Variants in IFT56 observed in about 807,000 individuals in gnomAD.
IFT56 encodes intraflagellar transport protein 56.
the IFT56 span, chr7:139,148,153 A>C: frequency 2.0e-6 from 3 of 1,510,074 alleles, no homozygotes; most frequent in Non-Finnish European, 2.7e-6. Context: ...TTGTAATTTG[A>C]CATTTCCGTG....
At chr7:139,180,916 A>G in the IFT56 span, among the ~76,000 whole-genome samples, 1 of 152,224 alleles carries the variant, frequency 6.6e-6, no homozygotes, top group African/African-American at 2.4e-5. Context: ...TATTTTAAGT[A>G]TGGTAGAATT....
chr7:139,156,496 T>C, the IFT56 span, among the ~76,000 whole-genome samples: 1 of 152,098 alleles, frequency 6.6e-6, no homozygotes, highest in Non-Finnish European at 1.5e-5. Context: ...TTTAACTGCA[T>C]CCCGTAAGTT....
the IFT56 span, among the ~76,000 whole-genome samples, chr7:139,163,676 A>G: frequency 6.6e-6 from 1 of 152,138 alleles, no homozygotes; most frequent in Admixed American, 6.5e-5. Flanking sequence ...CAAGAGAACA[A>G]AAACCCCTTG....
chr7:139,140,549 G>A, the IFT56 span, among the ~76,000 whole-genome samples: 1 of 152,070 alleles, frequency 6.6e-6, no homozygotes, highest in Admixed American at 6.6e-5. Flanking sequence ...GGAGGCCAAG[G>A]TGGGCAGATC....
At chr7:139,138,869 G>T in the IFT56 span, among the ~76,000 whole-genome samples, 1 of 148,738 alleles carries the variant, frequency 6.7e-6, no homozygotes. Context: ...GGAATGCAGT[G>T]GCACGATCTC....
the IFT56 span, among the ~76,000 whole-genome samples, chr7:139,152,873 GCA>G: frequency 6.6e-6 from 1 of 152,314 alleles, no homozygotes. Context: ...TGTTGGCCAG[GCA>G]CAGTGTCTCA....
the IFT56 span, chr7:139,140,098 A>G: frequency 2.8e-6 from 2 of 714,210 alleles, no homozygotes; most frequent in Admixed American, 4.3e-5. Flanking sequence ...TCTCTTGAGA[A>G]AAAAAAAATT....
At chr7:139,154,012 C>G in the IFT56 span, among the ~76,000 whole-genome samples, 1 of 152,130 alleles carries the variant, frequency 6.6e-6, no homozygotes, top group Non-Finnish European at 1.5e-5. Flanking sequence ...TATCATCTGA[C>G]TTTTTGACTC....
At chr7:139,157,242 G>A in the IFT56 span, among the ~76,000 whole-genome samples, 2 of 148,808 alleles carry the variant, frequency 1.3e-5, no homozygotes, top group Non-Finnish European at 3.0e-5. Flanking sequence ...CACCTCTTGG[G>A]TTCCAGCGAT....
chr7:139,139,758 A>T, the IFT56 span: 1 of 576,638 alleles, frequency 1.7e-6, no homozygotes, highest in Non-Finnish European at 3.1e-6. Flanking sequence ...GAATAGAGTA[A>T]TTGCAGAGCA....
chr7:139,185,477 C>A, the IFT56 span, among the ~76,000 whole-genome samples: 1 of 151,944 alleles, frequency 6.6e-6, no homozygotes, highest in Non-Finnish European at 1.5e-5. Flanking sequence ...TCAACTAGAG[C>A]TATATACAGC....
the IFT56 span, chr7:139,148,516 C>T: frequency 1.4e-6 from 1 of 736,728 alleles, no homozygotes; most frequent in Non-Finnish European, 2.2e-6. Context: ...TCTATAAGAA[C>T]CTAATTATAT....
the IFT56 span, among the ~76,000 whole-genome samples, chr7:139,180,746 G>C: frequency 6.6e-6 from 1 of 152,092 alleles, no homozygotes; most frequent in Non-Finnish European, 1.5e-5. Flanking sequence ...AATTTTTGTA[G>C]TCAGAGGAAA....
chr7:139,154,710 C>T, the IFT56 span, among the ~76,000 whole-genome samples: 1 of 152,128 alleles, frequency 6.6e-6, no homozygotes, highest in African/African-American at 2.4e-5. Flanking sequence ...TGTATCCTTA[C>T]ATTAATACCA....
chr7:139,191,674 A>G, the IFT56 span: 1 of 152,214 alleles, frequency 6.6e-6, no homozygotes, highest in Admixed American at 6.5e-5. Flanking sequence ...CATACATACT[A>G]TTTTAAAGAA....
chr7:139,158,313 CA>C, the IFT56 span, among the ~76,000 whole-genome samples: 31 of 115,308 alleles, frequency 2.7e-4, 1 homozygote, highest in South Asian at 8.8e-4. Flanking sequence ...GACGCCATCT[CA>C]AAAAAAAAAA....
the IFT56 span, among the ~76,000 whole-genome samples, chr7:139,138,786 A>G: frequency 2.0e-5 from 3 of 151,394 alleles, no homozygotes; most frequent in African/African-American, 7.3e-5. Context: ...ATCTACAATA[A>G]TTAATCAATG....
the IFT56 span, among the ~76,000 whole-genome samples, chr7:139,165,511 T>C: frequency 2.0e-5 from 3 of 152,168 alleles, no homozygotes; most frequent in African/African-American, 7.2e-5. Flanking sequence ...TTTCATTGTT[T>C]TTCCTCCCCT....
chr7:139,178,618 A>G, the IFT56 span: 1 of 1,603,224 alleles, frequency 6.2e-7, no homozygotes, highest in Non-Finnish European at 8.5e-7. Context: ...TGCTTTTGAG[A>G]GCATTTGAAT....
Sources: allele counts gnomAD v4.1 joint callset (sites outside exome capture counted in the v4.1 genomes callset), GRCh38; gene constraint gnomAD v4.1.1; transcripts MANE v1.5; gene names NCBI Gene and HGNC (gene_info 2026-07-23, HGNC 2026-07-21).